ROBO2: variants seen among roughly 807,000 people sequenced by gnomAD.
ROBO2 encodes roundabout homolog 2.
In ROBO2, 53 loss-of-function variants were observed where a neutral mutation model predicts 160.8. That is an observed-to-expected ratio of 0.33 (90% CI 0.26 to 0.41). The LOEUF (loss-of-function observed/expected upper bound fraction) is 0.41. Among genes scored for constraint, ROBO2 ranks in the 10% least tolerant of loss-of-function variants. The probability of loss-of-function intolerance (pLI) is 1.00; values close to 1 mark genes in which losing one functional copy is unlikely to be tolerated. For synonymous variants in ROBO2, 664 were observed against 611.7 expected (o/e 1.09, Z -1.26); for missense variants, 1,577 against 1,722.4 (o/e 0.92, Z 1.49).
At position 76,942,887 on chromosome 3, in the gene ROBO2, T is replaced by G. The variant is rs568960955; in HGVS notation, c.110-155127T>G. 4.0e-4 allele frequency among the ~76,000 whole-genome samples: 61 copies of G among 152,202 alleles called. 1 individual carries two copies. The highest frequency in any genetic ancestry group is 3.5e-4 in the Non-Finnish European group (24 of 68,038). On this transcript the variant is annotated intron_variant, in intron 2 of 26. Transcript: ENST00000487694. The stretch of plus-strand genomic sequence containing the variant: ...TGAAAAAAACAATAATATTATTGAA[T>G]ACTATGTTATACTTTATTAACTTAT...
chr3:76,544,603 T>G (rs1401676860), intron 2 of ROBO2, among the ~76,000 whole-genome samples: 1 of 152,048 alleles, frequency 6.6e-6, no homozygotes, highest in Non-Finnish European at 1.5e-5. Flanking sequence ...ATTTGTAGAC[T>G]AGTTCTGTCC....
At chr3:76,820,264 T>A (rs1057471478) in intron 2 of ROBO2, among the ~76,000 whole-genome samples, 2 of 152,090 alleles carry the variant, frequency 1.3e-5, no homozygotes, top group African/African-American at 4.8e-5. Flanking sequence ...AACACGCATG[T>A]TTCTTACCAT....
At chr3:76,238,632 C>T (rs1705103372) in intron 2 of ROBO2, among the ~76,000 whole-genome samples, 1 of 151,346 alleles carries the variant, frequency 6.6e-6, no homozygotes, top group African/African-American at 2.4e-5. Flanking sequence ...CCCAGGTTTC[C>T]CCCTAGACAT....
At position 77,506,045 on chromosome 3, in the gene ROBO2, G is replaced by A. The variant is rs548157725; in HGVS notation, c.806+12663G>A. Reference sequence around the variant, plus strand: ...AGGAGAAAACTGAAGGTTAGAGACAGTGAAAAACATGCTCAAGGTCACAGG... The same window carrying A: ...AGGAGAAAACTGAAGGTTAGAGACAATGAAAAACATGCTCAAGGTCACAGG... On this transcript the variant is annotated intron_variant, in intron 5 of 25. Coordinates refer to ENST00000461745, the Ensembl canonical transcript of ROBO2. 7.2e-5 allele frequency among the ~76,000 whole-genome samples: 11 copies of A among 152,240 alleles called. No homozygotes were observed. The South Asian group carries it at 2.3e-3, about 32-fold the overall frequency.
chr3:77,180,789 A>G (rs1000009721), intron 2 of ROBO2, among the ~76,000 whole-genome samples: 13 of 152,040 alleles, frequency 8.6e-5, no homozygotes, highest in African/African-American at 2.7e-4. Flanking sequence ...AAACATATGT[A>G]TATATAAATT....
chr3:76,521,942 A>G (rs1301017391), intron 2 of ROBO2, among the ~76,000 whole-genome samples: 1 of 152,178 alleles, frequency 6.6e-6, no homozygotes, highest in Admixed American at 6.6e-5. Flanking sequence ...ATGTGCATCT[A>G]TATGTGGCTT....
rs1469453279 is a variant in ROBO2 at position 76,811,783 on chromosome 3, TTCCTTCCTTCC to T, written c.110-286229_110-286219del. Among the ~76,000 whole-genome samples the T allele has an allele frequency of 3.4e-4, 13 of 37,728 alleles. No individual in the cohort carries two copies. The Admixed American group carries it at 3.6e-3, about 10-fold the overall frequency. 24.8% of individuals were successfully genotyped at this position (37,728 alleles called of 152,430 possible). On this transcript the variant is annotated intron_variant, in intron 2 of 26. Transcript: ENST00000487694. ...TACCTTTCTCTCTTTCCCTCCTTCC[TTCCTTCCTTCC>T]TTCCTTCCTTCCTTCCTTCCTTCCT...
intron 2 of ROBO2, among the ~76,000 whole-genome samples, chr3:76,228,344 T>A (rs1393179542): frequency 6.6e-6 from 1 of 152,200 alleles, no homozygotes; most frequent in Non-Finnish European, 1.5e-5. Context: ...CAGTACCATG[T>A]ATTCCTTCAG....
chr3:76,545,061 T>TA (rs1436797358), intron 2 of ROBO2, among the ~76,000 whole-genome samples: 1 of 151,978 alleles, frequency 6.6e-6, no homozygotes, highest in African/African-American at 2.4e-5. Context: ...GATTTTTTTT[T>TA]ACTCCATATT....
rs145871709 is a variant in ROBO2 at position 76,307,598 on chromosome 3, A to C, written c.109+369996A>C. Among the ~76,000 whole-genome samples the C allele has an allele frequency of 3.4e-3, 512 of 151,832 alleles. 6 individuals carry two copies. Among genetic ancestry groups the C allele is most frequent in the Admixed American group, 0.025 (374 of 15,248 alleles). On this transcript the variant is annotated intron_variant, in intron 2 of 26. Transcript: ENST00000487694. The stretch of plus-strand genomic sequence containing the variant: ...GAAGATTCCAAGCCACAACTACCCC[A>C]AAATCCCTCTAATTCCCTTACCTTT...
chr3:76,007,474 CTTATG>C (rs1350789244), intron 2 of ROBO2, among the ~76,000 whole-genome samples: 3 of 152,032 alleles, frequency 2.0e-5, no homozygotes, highest in African/African-American at 4.8e-5. Flanking sequence ...CGAAAGTGTA[CTTATG>C]TTAAGTGTAG....
Position 77,629,031 on chromosome 3 carries a change from G to A in ROBO2, c.3761-5839G>A, listed in dbSNP as rs540264132. 9.2e-5 allele frequency: 14 copies of A among 152,296 alleles called. 1 individual carries two copies. The highest frequency in any genetic ancestry group is 2.2e-4 in the African/African-American group (9 of 41,566). 9.4% of individuals were successfully genotyped at this position (152,296 alleles called of 1,614,324 possible). A position where few individuals can be genotyped will look rare whatever the true frequency, so the allele number is the denominator to read the frequency against. ...CTCTCTTCCCAGAGGGAGACAAAAA[G>A]CAGCAGGGAAAACTTCATGAATAAT... On this transcript the variant is annotated intron_variant, in intron 23 of 25. Coordinates refer to ENST00000461745, the Ensembl canonical transcript of ROBO2.
At chr3:76,549,824 T>C (rs1159876707) in intron 2 of ROBO2, among the ~76,000 whole-genome samples, 1 of 152,210 alleles carries the variant, frequency 6.6e-6, no homozygotes, top group Non-Finnish European at 1.5e-5. Flanking sequence ...CCTGTCTGTT[T>C]ATCTGGAAGC....
At chr3:76,272,935 T>TG (rs1553693115) in intron 2 of ROBO2, among the ~76,000 whole-genome samples, 1 of 45,774 alleles carries the variant, frequency 2.2e-5, no homozygotes. Flanking sequence ...TATTTATATA[T>TG]AAATATATAA....
At chr3:76,848,102 C>G (rs2068952556) in intron 2 of ROBO2, among the ~76,000 whole-genome samples, 1 of 152,158 alleles carries the variant, frequency 6.6e-6, no homozygotes, top group African/African-American at 2.4e-5. Context: ...AACACCTCAT[C>G]TCTTTCATCC....
At chr3:76,697,527 G>T (rs1427609740) in intron 2 of ROBO2, among the ~76,000 whole-genome samples, 1 of 152,044 alleles carries the variant, frequency 6.6e-6, no homozygotes, top group Non-Finnish European at 1.5e-5. Flanking sequence ...CATGCCTGTG[G>T]TCCCAGCTAC....
intron 2 of ROBO2, among the ~76,000 whole-genome samples, chr3:77,213,896 A>C (rs1470362566): frequency 2.6e-5 from 4 of 152,016 alleles, no homozygotes; most frequent in Admixed American, 2.6e-4. Context: ...GTTTTGAGTA[A>C]GTTTCTTAAT....
intron 2 of ROBO2, among the ~76,000 whole-genome samples, chr3:77,261,325 T>C (rs112592709): frequency 6.6e-6 from 1 of 152,090 alleles, no homozygotes; most frequent in African/African-American, 2.4e-5. Flanking sequence ...CAGCCACAAT[T>C]AGGTCCAAGG....
chr3:76,114,693 A>G (rs1449741201), intron 2 of ROBO2, among the ~76,000 whole-genome samples: 1 of 152,122 alleles, frequency 6.6e-6, no homozygotes, highest in Non-Finnish European at 1.5e-5. Context: ...GAGCCCACAT[A>G]CTTTTCACTT....
Sources: gnomAD v4.1 joint callset for allele counts (sites outside exome capture counted in the v4.1 genomes callset) on GRCh38, gnomAD v4.1.1 for gene constraint, MANE v1.5 for transcripts, NCBI Gene and HGNC (gene_info 2026-07-23, HGNC 2026-07-21) for gene names.